XYLT1: variants seen among roughly 807,000 people sequenced by gnomAD.
XYLT1 encodes the protein beta-D-xylosyltransferase 1.
Under a neutral mutation model 91.3 loss-of-function variants are expected in XYLT1, and 36 were observed. The ratio of observed to expected loss-of-function variants is 0.39; its 90% CI spans 0.30 to 0.52. The LOEUF (loss-of-function observed/expected upper bound fraction) is 0.52, where lower values mean the gene tolerates loss of function less well. XYLT1 is among the 20% of genes least tolerant of loss of function. The pLI is 0.68. For missense variants in XYLT1, 1,242 were observed against 1,284.5 expected, an observed-to-expected ratio of 0.97 and a Z score of 0.51; for synonymous variants, 588 against 532.0, an observed-to-expected ratio of 1.11 and a Z score of -1.45.
chr16:17,239,308 GTCCATTCA>G (rs2141731950), intron 3 of XYLT1, among the ~76,000 whole-genome samples: 1 of 107,334 alleles, frequency 9.3e-6, no homozygotes, highest in African/African-American at 3.5e-5. Flanking sequence ...CACTCATCCA[GTCCATTCA>G]TCCATCCATC....
rs1047934990 is a variant in XYLT1, at chr16:17,258,237, A to G, written c.913+751T>C. On this transcript the variant is annotated intron_variant, in intron 3 of 11. Coordinates refer to ENST00000261381, the MANE Select transcript of XYLT1 (RefSeq NM_022166.4). ...AGGGAGGAGAGAAAAATTAGGAAAG[A>G]AGAGGACAGAAAGCAGGAAGGAATG... Among the ~76,000 whole-genome samples, 5 of 151,944 alleles carry G rather than the reference A, an allele frequency of 3.3e-5. No homozygotes were observed. The South Asian group carries it at 8.3e-4, about 25-fold the overall frequency.
intron 5 of XYLT1, among the ~76,000 whole-genome samples, chr16:17,177,542 C>T (rs1010274614): frequency 1.3e-5 from 2 of 152,210 alleles, no homozygotes; most frequent in Admixed American, 6.5e-5. Flanking sequence ...GTCTGGCACA[C>T]AGTAGGTTTC....
At chr16:17,343,274 C>T (rs774728181) in intron 2 of XYLT1, among the ~76,000 whole-genome samples, 3 of 152,168 alleles carry the variant, frequency 2.0e-5, no homozygotes, top group Admixed American at 6.5e-5. Context: ...ATCTGAAAAC[C>T]GTCTCCCTGC....
At chr16:17,170,046 C>A (rs2031788529) in intron 5 of XYLT1, among the ~76,000 whole-genome samples, 1 of 152,222 alleles carries the variant, frequency 6.6e-6, no homozygotes, top group Non-Finnish European at 1.5e-5. Context: ...CTCAGGCTCA[C>A]TGAGCCTTGG....
intron 2 of XYLT1, among the ~76,000 whole-genome samples, chr16:17,332,699 C>A (rs1172549978): frequency 2.0e-5 from 3 of 152,052 alleles, no homozygotes; most frequent in Non-Finnish European, 4.4e-5. Context: ...AACACACCTC[C>A]CCACAGGTGG....
At chr16:17,357,945 G>A in intron 2 of XYLT1, 67 bp downstream of exon 2, 5 of 1,571,344 alleles carry the variant, frequency 3.2e-6, no homozygotes, top group Non-Finnish European at 4.3e-6. Flanking sequence ...AGAGCCACGG[G>A]ACAAGTCCCC....
chr16:17,241,861 G>A (rs1272580788), intron 3 of XYLT1, among the ~76,000 whole-genome samples: 1 of 152,186 alleles, frequency 6.6e-6, no homozygotes, highest in East Asian at 1.9e-4. Flanking sequence ...CTTTCACACT[G>A]TTGATAGAGT....
rs571979991 is a variant in XYLT1, at chr16:17,195,945, C to A, written c.1289+2267G>T. ...AGTAAATGTTTGTTGAACAAATGAA[C>A]AAAATTGTGGTAAGTAAAATTCTAC... On this transcript the variant is annotated intron_variant, in intron 5 of 11. Coordinates refer to ENST00000261381, the MANE Select transcript of XYLT1 (RefSeq NM_022166.4). Among the ~76,000 whole-genome samples the A allele has an allele frequency of 3.0e-4, 45 of 152,282 alleles. 1 individual carries two copies. Among genetic ancestry groups the A allele is most frequent in the African/African-American group, 1.0e-3 (43 of 41,558 alleles).
intron 1 of XYLT1, among the ~76,000 whole-genome samples, chr16:17,413,089 T>G (rs571104936): frequency 4.6e-5 from 7 of 152,236 alleles, no homozygotes; most frequent in Admixed American, 1.3e-4. Flanking sequence ...CACCATTGTA[T>G]GCTCAGTGCC....
Position 17,109,032 on chromosome 16 carries a change from G to A in XYLT1, c.2558-15C>T, listed in dbSNP as rs1205032788. 5 of 1,496,964 alleles carry A rather than the reference G, an allele frequency of 3.3e-6. No homozygotes were observed. The highest frequency in any genetic ancestry group is 1.4e-5 in the South Asian group (1 of 70,106). 92.7% of individuals were successfully genotyped at this position (1,496,964 alleles called of 1,614,324 possible). ...CAGTGCCTCCTCTGAAAGCCAAAGG[G>A]AACAATTTCAGGATCAGAAGAGCCA... On this transcript the variant is annotated splice_polypyrimidine_tract_variant and intron_variant, in intron 11 of 11. Coordinates refer to ENST00000261381, the MANE Select transcript of XYLT1 (RefSeq NM_022166.4).
At chr16:17,298,719 C>T (rs1271614429) in intron 2 of XYLT1, among the ~76,000 whole-genome samples, 4 of 152,266 alleles carry the variant, frequency 2.6e-5, no homozygotes, top group South Asian at 2.1e-4. Flanking sequence ...CTTCATAGAC[C>T]GTCAGCTGCT....
At chr16:17,369,349 T>G (rs1346188430) in intron 1 of XYLT1, among the ~76,000 whole-genome samples, 1 of 152,040 alleles carries the variant, frequency 6.6e-6, no homozygotes, top group African/African-American at 2.4e-5. Context: ...AAATTTAGGG[T>G]GAAATCATGA....
chr16:17,458,132 G>A lies in XYLT1; in HGVS notation c.363+12302C>T, dbSNP rs186512740. Among the ~76,000 whole-genome samples, 191 of 152,232 alleles carry A rather than the reference G, an allele frequency of 1.3e-3. 1 individual carries two copies. Among genetic ancestry groups the A allele is most frequent in the African/African-American group, 4.1e-3 (171 of 41,542 alleles). On this transcript the variant is annotated intron_variant, in intron 1 of 11. Transcript: ENST00000261381. ...TGAGACTCTGCAAAATTATCATGCC[G>A]TCCTTGGGCTCCCGGCTTTTATTGC...
At chr16:17,306,957 A>G (rs2034479663) in intron 2 of XYLT1, among the ~76,000 whole-genome samples, 1 of 152,178 alleles carries the variant, frequency 6.6e-6, no homozygotes, top group Admixed American at 6.5e-5. Context: ...TGAAGCCTGA[A>G]CTTGGGAGTG....
rs569067937 is a variant in XYLT1 at position 17,101,872 on chromosome 16, A to G, written c.*6823T>C. The G allele has an allele frequency of 2.6e-5, 4 of 152,358 alleles. No individual in the cohort carries two copies. Among genetic ancestry groups the G allele is most frequent in the African/African-American group, 9.6e-5 (4 of 41,586 alleles). The allele number at this position is 152,358 out of a possible 1,614,324, so 9.4% of individuals were successfully genotyped here. A position where few individuals can be genotyped will look rare whatever the true frequency, so the allele number is the denominator to read the frequency against. On this transcript the variant is annotated 3_prime_UTR_variant, in exon 12 of 12. Transcript: ENST00000261381. ...TGGCCTGGTCACATGGTCACAGCTAAGAGCAAGGCAGTCTGGGAAATGTAG... is the reference window on the plus strand; with the variant it reads ...TGGCCTGGTCACATGGTCACAGCTAGGAGCAAGGCAGTCTGGGAAATGTAG...
chr16:17,365,600 T>C (rs555959169), intron 1 of XYLT1, among the ~76,000 whole-genome samples: 3 of 152,134 alleles, frequency 2.0e-5, no homozygotes, highest in Non-Finnish European at 4.4e-5. Flanking sequence ...ACTGGGTGTA[T>C]TGCGCGCTCT....
intron 3 of XYLT1, among the ~76,000 whole-genome samples, chr16:17,221,725 TGA>T (rs1270987370): frequency 2.0e-5 from 3 of 152,070 alleles, no homozygotes; most frequent in Non-Finnish European, 2.9e-5. Context: ...GGCAACAGAG[TGA>T]GACCTTGTCT....
At chr16:17,293,491 CTTTTTTTTTTTTTT>C (rs548581536) in intron 2 of XYLT1, among the ~76,000 whole-genome samples, 7 of 119,092 alleles carry the variant, frequency 5.9e-5, no homozygotes, top group South Asian at 2.5e-4. Context: ...TTTCTCCCTC[CTTTTTTTTTTTTTT>C]TTTTTTTTTT....
chr16:17,443,670 C>T (rs2036559106), intron 1 of XYLT1, among the ~76,000 whole-genome samples: 1 of 152,162 alleles, frequency 6.6e-6, no homozygotes, highest in South Asian at 2.1e-4. Context: ...TATTAAGTTC[C>T]TGCTACATGA....
Sources: gnomAD v4.1 joint callset for allele counts (sites outside exome capture counted in the v4.1 genomes callset) on GRCh38, gnomAD v4.1.1 for gene constraint, MANE v1.5 for transcripts, NCBI Gene and HGNC (gene_info 2026-07-23, HGNC 2026-07-21) for gene names.